The following ITK variants were observed in gnomAD, a reference collection of about 807,000 sequenced individuals.
ITK encodes tyrosine-protein kinase ITK/TSK.
Under a neutral mutation model 87.6 loss-of-function variants are expected in ITK, and 45 were observed. That is an observed-to-expected ratio of 0.51 (90% CI 0.40 to 0.66). The LOEUF is 0.66. Ranked by LOEUF, ITK falls within the 30% of genes least tolerant of loss-of-function variation. ITK has a pLI of 0.00. For synonymous variants in ITK, 303 were observed against 273.6 expected (o/e 1.11, Z -1.06); for missense variants, 605 against 766.3 (o/e 0.79, Z 2.48).
Position 157,245,942 on chromosome 5 carries a change from T to C in ITK, c.1576T>C (p.Ser526Pro). 1 of 1,614,174 alleles carries C rather than the reference T, an allele frequency of 6.2e-7. No individual in the cohort carries two copies. The highest frequency in any genetic ancestry group is 8.5e-7 in the Non-Finnish European group (1 of 1,180,022). ...TGTKFPVKWA[S>P]PEVFSFSRYS... ...CACCAAATTCCCGGTGAAGTGGGCA[T>C]CCCCAGAGGTTTTCTCTTTCAGTCG... is the stretch of plus-strand genomic sequence containing the variant. The change falls in exon 15 of 17, where the codon TCC becomes CCC. Residue 526 changes from serine (S) to proline (P), a missense_variant. Physicochemically the swap from Ser to Pro is moderately conservative, Grantham distance 74. Around this residue, in one of 3 missense-constraint regions of ITK, gnomAD observed 70 missense variants for 122.5 expected, o/e 0.57. Transcript: ENST00000422843.
chr5:157,202,830 A>G (rs569665218), intron 1 of ITK, among the ~76,000 whole-genome samples: 125 of 152,364 alleles, frequency 8.2e-4, no homozygotes, highest in Non-Finnish European at 1.5e-3. Flanking sequence ...TTTAAGTTAC[A>G]TATATGGCTC....
chr5:157,190,565 T>A (rs1753733279), intron 1 of ITK, among the ~76,000 whole-genome samples: 1 of 152,138 alleles, frequency 6.6e-6, no homozygotes. Context: ...TTCTAGGGGA[T>A]GGGACAGACA....
chr5:157,187,260 C>T (rs908976736), intron 1 of ITK, among the ~76,000 whole-genome samples: 1 of 152,200 alleles, frequency 6.6e-6, no homozygotes, highest in African/African-American at 2.4e-5. Context: ...CCCACCTCAC[C>T]CTCCATTGAA....
chr5:157,218,209 T>G (rs940720169), intron 5 of ITK, among the ~76,000 whole-genome samples: 2 of 152,128 alleles, frequency 1.3e-5, no homozygotes, highest in Non-Finnish European at 2.9e-5. Flanking sequence ...AGCAGCTCAC[T>G]CTACATAAAA....
intron 1 of ITK, among the ~76,000 whole-genome samples, chr5:157,184,589 A>G (rs919838261): frequency 1.3e-5 from 2 of 152,206 alleles, no homozygotes; most frequent in African/African-American, 4.8e-5. Context: ...ATAAAGCATC[A>G]TAGATTGGTG....
chr5:157,211,164 A>G (rs1754183948), intron 2 of ITK, 123 bp from the exon 3 acceptor site: 3 of 795,284 alleles, frequency 3.8e-6, no homozygotes, highest in Non-Finnish European at 6.7e-6. Flanking sequence ...CCCCCTAATT[A>G]CCCAAATGTT....
intron 1 of ITK, among the ~76,000 whole-genome samples, chr5:157,183,051 G>T (rs574772210): frequency 2.6e-5 from 4 of 152,134 alleles, no homozygotes; most frequent in African/African-American, 9.6e-5. Flanking sequence ...GAGAATACAT[G>T]TCCAAACATC....
At chr5:157,227,489 A>G (rs904689634) in intron 6 of ITK, among the ~76,000 whole-genome samples, 1 of 152,172 alleles carries the variant, frequency 6.6e-6, no homozygotes, top group Non-Finnish European at 1.5e-5. Context: ...GGGAGGCCTT[A>G]AATTAAAAAG....
At chr5:157,184,667 C>T (rs1184137682) in intron 1 of ITK, among the ~76,000 whole-genome samples, 1 of 152,110 alleles carries the variant, frequency 6.6e-6, no homozygotes, top group African/African-American at 2.4e-5. Context: ...CTGCCTGTGT[C>T]CTATTTGTAA....
intron 1 of ITK, among the ~76,000 whole-genome samples, chr5:157,184,341 C>T (rs1275864851): frequency 6.6e-6 from 1 of 152,172 alleles, no homozygotes; most frequent in East Asian, 1.9e-4. Flanking sequence ...AATGTGATGT[C>T]TGCTGGCTCA....
intron 1 of ITK, among the ~76,000 whole-genome samples, chr5:157,183,693 T>C (rs948663871): frequency 3.9e-5 from 6 of 152,156 alleles, no homozygotes; most frequent in Admixed American, 2.0e-4. Context: ...AATATAAGTT[T>C]TGTGGGGTAG....
chr5:157,238,716 G>T (rs1287844609), intron 9 of ITK, among the ~76,000 whole-genome samples: 1 of 152,144 alleles, frequency 6.6e-6, no homozygotes, highest in African/African-American at 2.4e-5. Context: ...TATGGCCGTG[G>T]GTCTGAAGGG....
rs56382457 is a variant in ITK at position 157,235,340 on chromosome 5, C to A, written c.769-2769C>A. On this transcript the variant is annotated intron_variant, in intron 8 of 16. Coordinates refer to ENST00000422843, the MANE Select transcript of ITK (RefSeq NM_005546.4). ...CATCTCCTAATGTGCCATATCAGTT[C>A]TTCCAATGTTGCCTCCTCCCAGAAG... 3.8e-3 allele frequency among the ~76,000 whole-genome samples: 576 copies of A among 152,338 alleles called. 4 individuals are homozygous for A. Among genetic ancestry groups the A allele is most frequent in the African/African-American group, 0.013 (533 of 41,570 alleles).
At chr5:157,230,238 G>A (rs1359423431) in intron 7 of ITK, among the ~76,000 whole-genome samples, 2 of 152,120 alleles carry the variant, frequency 1.3e-5, no homozygotes, top group Non-Finnish European at 2.9e-5. Context: ...GAATAGTAAA[G>A]CAAATGTATA....
intron 8 of ITK, among the ~76,000 whole-genome samples, chr5:157,235,031 C>A (rs937206747): frequency 6.6e-6 from 1 of 152,106 alleles, no homozygotes; most frequent in Non-Finnish European, 1.5e-5. Flanking sequence ...AGACTATAAA[C>A]AATTTATCTT....
intron 5 of ITK, among the ~76,000 whole-genome samples, chr5:157,222,527 G>A (rs1464226515): frequency 6.6e-6 from 1 of 152,208 alleles, no homozygotes; most frequent in Non-Finnish European, 1.5e-5. Flanking sequence ...CAAACTGAAA[G>A]ATTTCATGTT....
intron 15 of ITK, 60 bp from the exon 16 acceptor site, chr5:157,248,790 G>A: frequency 6.3e-7 from 1 of 1,590,118 alleles, no homozygotes; most frequent in Non-Finnish European, 8.6e-7. Flanking sequence ...GAGGCAGGTT[G>A]GTTTGTTTGC....
intron 1 of ITK, among the ~76,000 whole-genome samples, chr5:157,208,025 A>C (rs1365044650): frequency 6.6e-6 from 1 of 152,104 alleles, no homozygotes. Context: ...AACTGGTTCC[A>C]TAGCTGAATT....
chr5:157,192,241 G>T (rs897841816), intron 1 of ITK, among the ~76,000 whole-genome samples: 14 of 152,154 alleles, frequency 9.2e-5, no homozygotes, highest in Admixed American at 2.6e-4. Flanking sequence ...GGTGCCAAAA[G>T]GTCTCCTACT....
Sources: gnomAD v4.1 joint callset for allele counts (sites outside exome capture counted in the v4.1 genomes callset) on GRCh38, gnomAD v4.1.1 for gene constraint, gnomAD v4.1.1 regional missense constraint, MANE v1.5 for transcripts, NCBI Gene and HGNC (gene_info 2026-07-23, HGNC 2026-07-21) for gene names.